DOCK1: variants seen among roughly 807,000 people sequenced by gnomAD.
The protein encoded by DOCK1 is dedicator of cytokinesis protein 1.
DOCK1 carries 138 observed loss-of-function variants against 262.7 expected under a neutral mutation model. That is an observed-to-expected ratio of 0.53 (90% CI 0.46 to 0.61). The LOEUF is 0.61. Among genes scored for constraint, DOCK1 ranks in the 20% least tolerant of loss-of-function variants. The pLI is 0.00. For missense variants in DOCK1, 1,908 were observed against 2,370.7 expected, an observed-to-expected ratio of 0.80 and a Z score of 4.05; for synonymous variants, 866 against 867.4, an observed-to-expected ratio of 1.00 and a Z score of 0.03.
At chr10:126,913,558 G>T (rs1182225268) in intron 1 of DOCK1, among the ~76,000 whole-genome samples, 1 of 152,228 alleles carries the variant, frequency 6.6e-6, no homozygotes, top group African/African-American at 2.4e-5. Flanking sequence ...GGGCAAGGGA[G>T]GGGGCTTGGC....
At chr10:127,325,227 C>T (rs7098343) in intron 29 of DOCK1, among the ~76,000 whole-genome samples, 26,131 of 151,942 alleles carry the variant, frequency 0.17, 2,380 homozygotes, top group East Asian at 0.25. Flanking sequence ...AAGCACCCAC[C>T]CAGGTCACTC....
chr10:127,260,241 G>A (rs1242660859), intron 29 of DOCK1, among the ~76,000 whole-genome samples: 1 of 152,198 alleles, frequency 6.6e-6, no homozygotes, highest in Non-Finnish European at 1.5e-5. Context: ...ACCGGGAAGA[G>A]AGTCTTTTGT....
chr10:126,953,508 ATGT>A (rs1480338103), intron 1 of DOCK1, among the ~76,000 whole-genome samples: 46 of 147,758 alleles, frequency 3.1e-4, no homozygotes, highest in Middle Eastern at 3.9e-3. Flanking sequence ...AGTTTTGGTA[ATGT>A]TGGTGGTGGT....
At chr10:127,113,090 C>G (rs1267702730) in intron 25 of DOCK1, among the ~76,000 whole-genome samples, 1 of 152,172 alleles carries the variant, frequency 6.6e-6, no homozygotes, top group African/African-American at 2.4e-5. Context: ...TAAAGCCAAA[C>G]TGTTTTCTGA....
chr10:127,421,880 A>T (rs2134503700), intron 46 of DOCK1, among the ~76,000 whole-genome samples: 1 of 152,280 alleles, frequency 6.6e-6, no homozygotes, highest in East Asian at 1.9e-4. Context: ...TCTGTCAAGG[A>T]ACAACATGTG....
At chr10:127,249,018 C>G (rs573447592) in intron 28 of DOCK1, among the ~76,000 whole-genome samples, 3 of 152,130 alleles carry the variant, frequency 2.0e-5, no homozygotes, top group African/African-American at 7.2e-5. Flanking sequence ...TGCCCCACCA[C>G]CCCCTGGTCC....
At chr10:126,951,167 G>A (rs1465975593) in intron 1 of DOCK1, among the ~76,000 whole-genome samples, 1 of 151,850 alleles carries the variant, frequency 6.6e-6, no homozygotes, top group African/African-American at 2.4e-5. Context: ...ATTACTGGTA[G>A]TAGTGTTGGT....
chr10:127,030,245 T>TA (rs2043146229), intron 16 of DOCK1, among the ~76,000 whole-genome samples: 1 of 152,200 alleles, frequency 6.6e-6, no homozygotes, highest in Non-Finnish European at 1.5e-5. Context: ...ATTGTAGAGA[T>TA]AGTTTCCAGC....
rs559354918 is a variant in DOCK1, at chr10:127,162,307, T to C, written c.2847+34543T>C. Among the ~76,000 whole-genome samples the C allele has an allele frequency of 2.6e-5, 4 of 152,312 alleles. No homozygotes were observed. The South Asian group carries it at 8.3e-4, about 32-fold the overall frequency. ...ATACAGTTGTGTCCCAATTGATTAG[T>C]TTAAGGGAGATCTATTTTTGTCATC... On this transcript the variant is annotated intron_variant, in intron 27 of 51. Coordinates refer to ENST00000623213, the MANE Select transcript of DOCK1 (RefSeq NM_001290223.2).
In DOCK1 at chr10:127,404,352, A is replaced by G. The variant is rs2067390522; in HGVS notation, c.4045A>G (p.Ile1349Val). Residue 1349 changes from isoleucine (I) to valine (V), a missense_variant, in exon 40 of 52, where the codon ATC becomes GTC. Physicochemically the swap from Ile to Val is conservative, Grantham distance 29. Around this residue, in one of 9 missense-constraint regions of DOCK1, gnomAD observed 267 missense variants for 366.3 expected, o/e 0.73. Transcript: ENST00000623213. ...LKKQAQFYENIVKVIRPKPDY... is the reference protein window; with the variant it reads ...LKKQAQFYENVVKVIRPKPDY... The stretch of plus-strand genomic sequence containing the variant: ...AAAACAGGCTCAGTTTTATGAAAAC[A>G]TCGTCAAAGTGATCAGGCCCAAGCC... The G allele has an allele frequency of 1.2e-6, 2 of 1,613,904 alleles. No homozygotes were observed. Among genetic ancestry groups the G allele is most frequent in the East Asian group, 4.5e-5 (2 of 44,882 alleles).
At position 127,349,439 on chromosome 10, in the gene DOCK1, T is replaced by C. The variant is rs553385415; in HGVS notation, c.3225-5230T>C. 1.4e-3 allele frequency among the ~76,000 whole-genome samples: 215 copies of C among 152,312 alleles called. 1 individual carries two copies. The highest frequency in any genetic ancestry group is 6.8e-3 in the Middle Eastern group (2 of 294). On this transcript the variant is annotated intron_variant, in intron 31 of 51. Transcript: ENST00000623213. The stretch of plus-strand genomic sequence containing the variant: ...TGTCTGCTCTCTCTTGTCAGATTCC[T>C]ACCCCTGCACCCCAGCATCAAGTGG...
intron 35 of DOCK1, among the ~76,000 whole-genome samples, chr10:127,377,034 C>A (rs774255102): frequency 1.6e-4 from 24 of 152,228 alleles, no homozygotes; most frequent in Non-Finnish European, 3.1e-4. Flanking sequence ...GAAACACACC[C>A]TGGGTTCTCA....
chr10:127,277,637 C>A (rs2060790769), intron 29 of DOCK1, among the ~76,000 whole-genome samples: 1 of 152,068 alleles, frequency 6.6e-6, no homozygotes, highest in South Asian at 2.1e-4. Flanking sequence ...GTGGCGGGCA[C>A]CTGTAATCAC....
At chr10:127,305,203 A>G (rs2135458153) in intron 29 of DOCK1, among the ~76,000 whole-genome samples, 1 of 152,298 alleles carries the variant, frequency 6.6e-6, no homozygotes, top group South Asian at 2.1e-4. Flanking sequence ...TCATGGCACT[A>G]ATAATTCATT....
intron 51 of DOCK1, among the ~76,000 whole-genome samples, chr10:127,450,835 T>C (rs1054088604): frequency 2.1e-4 from 32 of 152,228 alleles, no homozygotes; most frequent in Non-Finnish European, 2.5e-4. Context: ...ATGACCGCTT[T>C]TCGGCCACAC....
At chr10:127,271,691 A>G (rs1323543004) in intron 29 of DOCK1, among the ~76,000 whole-genome samples, 1 of 152,204 alleles carries the variant, frequency 6.6e-6, no homozygotes, top group African/African-American at 2.4e-5. Context: ...CCATTACCCA[A>G]CACACAGTAG....
At chr10:127,398,186 T>C (rs1030896557) in intron 38 of DOCK1, among the ~76,000 whole-genome samples, 2 of 152,162 alleles carry the variant, frequency 1.3e-5, no homozygotes, top group African/African-American at 4.8e-5. Flanking sequence ...AGAAAGGTCT[T>C]TGCAAAAAGT....
intron 39 of DOCK1, 73 bp downstream of exon 39, chr10:127,403,217 A>G (rs905558181): frequency 4.9e-5 from 72 of 1,469,668 alleles, no homozygotes; most frequent in Non-Finnish European, 6.4e-5. Flanking sequence ...CTCTCTTTCC[A>G]TGTCAATGTT....
rs138168644 is a variant in DOCK1 at position 127,003,299 on chromosome 10, C to T, written c.985+2992C>T. On this transcript the variant is annotated intron_variant, in intron 10 of 51. Transcript: ENST00000623213. ...ACCTGCGTGAACCTGTGTGAACCTG[C>T]GTGAACCTGTGTAACCTTTATGAAC... Among the ~76,000 whole-genome samples the T allele has an allele frequency of 2.0e-3, 304 of 150,592 alleles. 1 individual carries two copies. The highest frequency in any genetic ancestry group is 7.3e-3 in the African/African-American group (297 of 40,722).
Sources: gnomAD v4.1 joint callset for allele counts (sites outside exome capture counted in the v4.1 genomes callset) on GRCh38, gnomAD v4.1.1 for gene constraint, gnomAD v4.1.1 regional missense constraint, MANE v1.5 for transcripts, NCBI Gene and HGNC (gene_info 2026-07-23, HGNC 2026-07-21) for gene names.